Variants in ZNF536 observed in about 807,000 individuals in gnomAD.
ZNF536 encodes the protein zinc finger protein 536.
In ZNF536, 13 loss-of-function variants were observed where a neutral mutation model predicts 84.5. That is an observed-to-expected ratio of 0.15 (90% CI 0.10 to 0.24). ZNF536 has a LOEUF of 0.24. Ranked by LOEUF, ZNF536 falls within the 10% of genes least tolerant of loss-of-function variation. The pLI is 1.00. For missense variants in ZNF536, 1,536 were observed against 1,747.5 expected (o/e 0.88, Z 2.16); for synonymous variants, 811 against 742.5 (o/e 1.09, Z -1.50).
At chr19:30,566,385 A>G (rs2146490425) in intron 1 of ZNF536, among the ~76,000 whole-genome samples, 1 of 152,332 alleles carries the variant, frequency 6.6e-6, no homozygotes, top group African/African-American at 2.4e-5. Context: ...CAAAGTTGTA[A>G]ATAATAAAGA....
chr19:30,641,585 C>A (rs1002028193), intron 1 of ZNF536, among the ~76,000 whole-genome samples: 2 of 152,116 alleles, frequency 1.3e-5, no homozygotes, highest in Non-Finnish European at 2.9e-5. Context: ...AAATATAATA[C>A]AGGGAATGTC....
At chr19:30,576,925 C>A (rs114794805) in intron 1 of ZNF536, among the ~76,000 whole-genome samples, 45 of 152,314 alleles carry the variant, frequency 3.0e-4, no homozygotes, top group African/African-American at 1.0e-3. Context: ...GGTTCACATG[C>A]TCCTCACAGT....
chr19:30,315,450 G>A (rs529774096), intron 2 of ZNF536, among the ~76,000 whole-genome samples: 1 of 152,302 alleles, frequency 6.6e-6, no homozygotes, highest in South Asian at 2.1e-4. Context: ...GGTGGGGCAT[G>A]AGCCACCCCC....
At chr19:30,577,565 G>A (rs1206288403) in intron 1 of ZNF536, among the ~76,000 whole-genome samples, 1 of 152,070 alleles carries the variant, frequency 6.6e-6, no homozygotes, top group East Asian at 1.9e-4. Flanking sequence ...TATGGCCATG[G>A]TACATTTTTA....
intron 1 of ZNF536, among the ~76,000 whole-genome samples, chr19:30,570,564 C>A (rs1025867225): frequency 6.6e-6 from 1 of 152,008 alleles, no homozygotes; most frequent in Non-Finnish European, 1.5e-5. Context: ...TTGTAATAAC[C>A]GTTGTCAACA....
At chr19:30,386,237 A>C (rs573338435) in intron 1 of ZNF536, among the ~76,000 whole-genome samples, 1 of 152,136 alleles carries the variant, frequency 6.6e-6, no homozygotes, top group Admixed American at 6.5e-5. Context: ...AACTCACCTC[A>C]CTACAGAAGC....
chr19:30,446,081 C>G (rs1310069615), intron 2 of ZNF536, among the ~76,000 whole-genome samples: 1 of 151,614 alleles, frequency 6.6e-6, no homozygotes, highest in Non-Finnish European at 1.5e-5. Context: ...AACCCCATCT[C>G]TACTAAAAAT....
intron 2 of ZNF536, among the ~76,000 whole-genome samples, chr19:30,290,483 G>A (rs1183752776): frequency 6.6e-6 from 1 of 151,982 alleles, no homozygotes; most frequent in Non-Finnish European, 1.5e-5. Flanking sequence ...TGTTGCCCAG[G>A]CTGCACTTGA....
chr19:30,322,233 T>C (rs1452793596), intron 2 of ZNF536, among the ~76,000 whole-genome samples: 10 of 152,246 alleles, frequency 6.6e-5, no homozygotes, highest in Admixed American at 6.5e-4. Context: ...TTTCATTGAA[T>C]AGATGTGCCA....
upstream of ZNF536, among the ~76,000 whole-genome samples, chr19:30,369,117 A>G (rs1017585159): frequency 2.0e-5 from 3 of 152,178 alleles, no homozygotes; most frequent in Non-Finnish European, 4.4e-5. Flanking sequence ...TGAGGTGCTT[A>G]TGTGCACTGT....
At chr19:30,465,876 G>C (rs927238728) in intron 2 of ZNF536, among the ~76,000 whole-genome samples, 6 of 151,650 alleles carry the variant, frequency 4.0e-5, no homozygotes, top group African/African-American at 1.5e-4. Flanking sequence ...TCAGCCTCCC[G>C]AGTAGCTGGG....
chr19:30,616,294 T>C (rs1427308270), intron 1 of ZNF536, among the ~76,000 whole-genome samples: 1 of 152,232 alleles, frequency 6.6e-6, no homozygotes, highest in Non-Finnish European at 1.5e-5. Context: ...GCATCGAGCA[T>C]CTGGTTGTAT....
At chr19:30,673,433 C>T (rs2050634773) in intron 1 of ZNF536, among the ~76,000 whole-genome samples, 1 of 152,232 alleles carries the variant, frequency 6.6e-6, no homozygotes, top group Non-Finnish European at 1.5e-5. Context: ...CCTGAACCCA[C>T]TGAAAACATT....
At chr19:30,504,039 T>C (rs1447202035) in intron 2 of ZNF536, among the ~76,000 whole-genome samples, 3 of 152,026 alleles carry the variant, frequency 2.0e-5, no homozygotes, top group African/African-American at 4.8e-5. Context: ...ATCCTTAGCA[T>C]AGAGAATTTT....
intron 1 of ZNF536, among the ~76,000 whole-genome samples, chr19:30,230,238 T>TA (rs1166697237): frequency 2.6e-5 from 4 of 152,230 alleles, no homozygotes; most frequent in Non-Finnish European, 5.9e-5. Flanking sequence ...AAAATGAACT[T>TA]AACATCTGGG....
chr19:30,662,264 T>G (rs1204852367), intron 1 of ZNF536, among the ~76,000 whole-genome samples: 1 of 152,226 alleles, frequency 6.6e-6, no homozygotes, highest in Non-Finnish European at 1.5e-5. Context: ...ACAGACTCGG[T>G]TTGACCTCCT....
intron 1 of ZNF536, among the ~76,000 whole-genome samples, chr19:30,635,725 T>C (rs1199744535): frequency 1.3e-5 from 2 of 152,232 alleles, no homozygotes; most frequent in African/African-American, 2.4e-5. Flanking sequence ...CATCCGTTGG[T>C]GGCTGTGTAA....
At chr19:30,470,888 A>G (rs934634120) in intron 2 of ZNF536, among the ~76,000 whole-genome samples, 5 of 151,432 alleles carry the variant, frequency 3.3e-5, no homozygotes, top group Non-Finnish European at 5.9e-5. Flanking sequence ...GGGTTTCACC[A>G]TGTTGTCCAA....
chr19:30,655,084 T>C (rs1359029973), intron 1 of ZNF536, among the ~76,000 whole-genome samples: 1 of 152,184 alleles, frequency 6.6e-6, no homozygotes, highest in Admixed American at 6.5e-5. Context: ...TGGGTACATC[T>C]AGGGAGTTAG....
Sources: gnomAD v4.1 joint callset for allele counts (sites outside exome capture counted in the v4.1 genomes callset) on GRCh38, gnomAD v4.1.1 for gene constraint, MANE v1.5 for transcripts, NCBI Gene and HGNC (gene_info 2026-07-23, HGNC 2026-07-21) for gene names.